MRPS18B: variants seen among roughly 807,000 people sequenced by gnomAD.
MRPS18B encodes small ribosomal subunit protein mS40.
A neutral mutation model predicts 28.4 loss-of-function variants in MRPS18B; 27 were observed. The observed-to-expected ratio is 0.95, with a 90% CI of 0.70 to 1.31. MRPS18B has a LOEUF of 1.31. MRPS18B is among the 40% of genes most tolerant of loss of function. The pLI is 0.00. For synonymous variants in MRPS18B, 118 were observed against 123.7 expected (o/e 0.95, Z 0.30); for missense variants, 343 against 335.9 (o/e 1.02, Z -0.17).
intron 1 of MRPS18B, among the ~76,000 whole-genome samples, chr6:30,618,196 C>T (rs953569550): frequency 6.6e-6 from 1 of 151,438 alleles, no homozygotes; most frequent in Non-Finnish European, 1.5e-5. Context: ...ATGGAATTGA[C>T]CCCTGTCCAC....
At position 30,625,814 on chromosome 6, in the gene MRPS18B, A is replaced by AG. The variant is rs758697434; in HGVS notation, c.*18dup. The AG allele has an allele frequency of 4.4e-5, 70 of 1,591,634 alleles. No individual in the cohort carries two copies. Among genetic ancestry groups the AG allele is most frequent in the Non-Finnish European group, 5.8e-5 (68 of 1,164,036 alleles). On this transcript the variant is annotated 3_prime_UTR_variant, in exon 7 of 7. Transcript: ENST00000259873. ...GCTCTGTAGGAGCTGTAGACTGGGA[A>AG]GAGAGGCCAGGCGTGGTGGCTCACT...
intron 4 of MRPS18B, among the ~76,000 whole-genome samples, chr6:30,622,333 T>C (rs150018645): frequency 0.025 from 3,749 of 151,406 alleles, 121 homozygotes; most frequent in African/African-American, 0.074. Context: ...GAGGCCAAGG[T>C]GGGTGTATCA....
In MRPS18B at chr6:30,626,152, T is replaced by C. The variant is rs146455019; in HGVS notation, c.*355T>C. 2.6e-3 allele frequency: 667 copies of C among 258,114 alleles called. 4 individuals are homozygous for C. Among genetic ancestry groups the C allele is most frequent in the African/African-American group, 0.015 (654 of 44,992 alleles). The allele number at this position is 258,114 out of a possible 1,614,324, so 16.0% of individuals were successfully genotyped here. On this transcript the variant is annotated 3_prime_UTR_variant, in exon 7 of 7. Transcript: ENST00000259873. ...TAGAGGGACTAGGAGATAATGTGTA[T>C]GTAGGTTTATGTGATGGGATATCAC...
At chr6:30,623,988 G>A (rs915617745) in intron 5 of MRPS18B, among the ~76,000 whole-genome samples, 5 of 151,834 alleles carry the variant, frequency 3.3e-5, no homozygotes, top group South Asian at 2.1e-4. Context: ...CTCGAACTCC[G>A]GATCTCAGGT....
intron 1 of MRPS18B, among the ~76,000 whole-genome samples, chr6:30,618,978 C>T (rs1031531961): frequency 2.0e-5 from 3 of 151,886 alleles, no homozygotes; most frequent in East Asian, 1.9e-4. Flanking sequence ...AGTGTAGTGG[C>T]GCAATCTTGG....
At position 30,622,887 on chromosome 6, in the gene MRPS18B, C is replaced by T. The variant is rs868539613; in HGVS notation, c.410C>T (p.Ala137Val). The T allele has an allele frequency of 6.2e-7, 1 of 1,613,044 alleles. No homozygotes were observed. Among genetic ancestry groups the T allele is most frequent in the African/African-American group, 1.3e-5 (1 of 75,044 alleles). Reference sequence around the variant, plus strand: ...GCCCACACGGGTATCATCTTCTATGCTCCATACACAGGTTAGCCCATCATC... The same window carrying T: ...GCCCACACGGGTATCATCTTCTATGTTCCATACACAGGTTAGCCCATCATC... ...VCAHTGIIFY[A>V]PYTGVCVKQH... Residue 137 changes from alanine (A) to valine (V), a missense_variant, in exon 5 of 7, where the codon GCT (alanine) becomes GTT (valine). Coordinates refer to ENST00000259873, the MANE Select transcript of MRPS18B (RefSeq NM_014046.4).
intron 4 of MRPS18B, among the ~76,000 whole-genome samples, chr6:30,620,899 A>G (rs1310253461): frequency 6.6e-6 from 1 of 152,198 alleles, no homozygotes. Context: ...GGGAGAGCCA[A>G]TATCCAAAGA....
intron 5 of MRPS18B, among the ~76,000 whole-genome samples, chr6:30,623,791 T>C (rs1761316933): frequency 6.6e-6 from 1 of 152,140 alleles, no homozygotes; most frequent in African/African-American, 2.4e-5. Context: ...TTTTTTTTTT[T>C]TGAGACGAAG....
At chr6:30,618,056 G>A (rs1760837162) in intron 1 of MRPS18B, 113 bp downstream of exon 1, 1 of 1,101,580 alleles carries the variant, frequency 9.1e-7, no homozygotes, top group Non-Finnish European at 1.3e-6. Flanking sequence ...TGTCTTAGCT[G>A]TCTAGGCAGT....
chr6:30,622,095 TGA>T lies in MRPS18B; in HGVS notation c.355-729_355-728del, dbSNP rs934172507. The stretch of plus-strand genomic sequence containing the variant: ...GAGTCTCATTTCCTAGTTAATTTGC[TGA>T]GAGAGAGTTCTATGTAAATTGTAAA... On this transcript the variant is annotated intron_variant, in intron 4 of 6. Transcript: ENST00000259873. Among the ~76,000 whole-genome samples the T allele has an allele frequency of 5.9e-5, 9 of 152,310 alleles. No homozygotes were observed. In the East Asian group the frequency reaches 1.5e-3, roughly 26 times the overall value.
chr6:30,618,127 C>T (rs1760852359), intron 1 of MRPS18B, among the ~76,000 whole-genome samples, 184 bp downstream of exon 1: 1 of 148,050 alleles, frequency 6.8e-6, no homozygotes, highest in Non-Finnish European at 1.5e-5. Flanking sequence ...GAGGACTAAA[C>T]GCCAGGGTTA....
At position 30,619,439 on chromosome 6, in the gene MRPS18B, CAATTT is replaced by C. The variant is rs1760989126; in HGVS notation, c.79-52_79-48del. On this transcript the variant is annotated intron_variant, in intron 1 of 6. Coordinates refer to ENST00000259873, the MANE Select transcript of MRPS18B (RefSeq NM_014046.4). The stretch of plus-strand genomic sequence containing the variant: ...CCTTTCCAAAGTGTGATAAGCAAAA[CAATTT>C]AGTCCTTTCCTTAAACTCATTCTTT... 34 of 1,460,168 alleles carry C rather than the reference CAATTT, an allele frequency of 2.3e-5. 2 individuals are homozygous for C. The South Asian group carries it at 3.9e-4, about 17-fold the overall frequency. 90.5% of individuals were successfully genotyped at this position (1,460,168 alleles called of 1,614,324 possible). A position where few individuals can be genotyped will look rare whatever the true frequency, so the allele number is the denominator to read the frequency against.
Position 30,625,876 on chromosome 6 carries a change from T to A in MRPS18B, c.*79T>A. ...AGCACTTTGGGAAGCCAAGGTGGGC[T>A]GATCACTTGATCCCAGGAGTTTGAG... On this transcript the variant is annotated 3_prime_UTR_variant, in exon 7 of 7. Transcript: ENST00000259873. 7.0e-7 allele frequency: 1 copy of A among 1,422,220 alleles called. No homozygotes were observed. Among genetic ancestry groups the A allele is most frequent in the Non-Finnish European group, 9.6e-7 (1 of 1,042,724 alleles). The allele number at this position is 1,422,220 out of a possible 1,614,324, so 88.1% of individuals were successfully genotyped here.
intron 5 of MRPS18B, among the ~76,000 whole-genome samples, 195 bp downstream of exon 5, chr6:30,623,093 G>A (rs1346587037): frequency 6.6e-6 from 1 of 152,212 alleles, no homozygotes; most frequent in Non-Finnish European, 1.5e-5. Context: ...ATACAGCCAG[G>A]CGTGGTGGCT....
At chr6:30,623,046 G>C in intron 5 of MRPS18B, 148 bp downstream of exon 5, 2 of 771,098 alleles carry the variant, frequency 2.6e-6, no homozygotes, top group Non-Finnish European at 4.2e-6. Flanking sequence ...CTTGCTGGGG[G>C]CTAAAGTAAT....
chr6:30,619,847 C>T (rs1335262168), intron 3 of MRPS18B, 41 bp downstream of exon 3: 1 of 1,609,816 alleles, frequency 6.2e-7, no homozygotes, highest in Admixed American at 1.7e-5. Flanking sequence ...GGGGAGGCCA[C>T]AAGTAACAGT....
rs767310406 is a variant in MRPS18B at position 30,617,903 on chromosome 6, T to TA, written c.38_39insA (p.Pro14SerfsTer26). On this transcript the variant is annotated frameshift_variant, in exon 1 of 7. Coordinates refer to ENST00000259873, the MANE Select transcript of MRPS18B (RefSeq NM_014046.4). LOFTEE classifies it high-confidence loss of function. ...GTATTAAACACCGTGCTGAGGCGGCTTCCTATGCTATCTCTCTTCCGAGGT... is the reference window on the plus strand; with the variant it reads ...GTATTAAACACCGTGCTGAGGCGGCTATCCTATGCTATCTCTCTTCCGAGGT... 1 of 1,614,216 alleles carries TA rather than the reference T, an allele frequency of 6.2e-7. No homozygotes were observed. The highest frequency in any genetic ancestry group is 8.5e-7 in the Non-Finnish European group (1 of 1,180,042).
chr6:30,618,063 C>T, intron 1 of MRPS18B, 120 bp downstream of exon 1: 2 of 1,029,546 alleles, frequency 1.9e-6, no homozygotes, highest in South Asian at 1.4e-5. Context: ...GCTGTCTAGG[C>T]AGTACTTCCT....
At chr6:30,620,834 C>G (rs1761112304) in intron 4 of MRPS18B, among the ~76,000 whole-genome samples, 1 of 152,084 alleles carries the variant, frequency 6.6e-6, no homozygotes, top group Admixed American at 6.5e-5. Context: ...TCCCAAAATG[C>G]TGGGATTACA....
Sources: gnomAD v4.1 joint callset for allele counts (sites outside exome capture counted in the v4.1 genomes callset) on GRCh38, gnomAD v4.1.1 for gene constraint, MANE v1.5 for transcripts, NCBI Gene and HGNC (gene_info 2026-07-23, HGNC 2026-07-21) for gene names.